DAW1: variants seen among roughly 807,000 people sequenced by gnomAD.
DAW1 encodes dynein assembly factor with WD repeat domains 1.
In DAW1, 47 loss-of-function variants were observed where a neutral mutation model predicts 56.5. That is an observed-to-expected ratio of 0.83 (90% CI 0.66 to 1.06). DAW1 has a LOEUF of 1.06. Ranked by LOEUF, DAW1 falls within the 50% of genes least tolerant of loss-of-function variation. The pLI, the probability that DAW1 is intolerant of heterozygous loss-of-function variation, is 0.00. For missense variants in DAW1, 505 were observed against 499.3 expected (o/e 1.01, Z -0.11); for synonymous variants, 190 against 179.0 (o/e 1.06, Z -0.49).
At position 227,889,936 on chromosome 2, in the gene DAW1, T is replaced by A. The variant is rs1212944077; in HGVS notation, c.194T>A (p.Leu65His). 6.2e-7 allele frequency: 1 copy of A among 1,607,472 alleles called. No individual in the cohort carries two copies. ...GCTTCACGAACAGAGCAAGTCAAAC[T>A]TTTGATACAGAGGTTGCAAGAGAAA... ...LTASRTEQVKLLIQRLQEKLG... is the reference protein window; with the variant it reads ...LTASRTEQVKHLIQRLQEKLG... Residue 65 changes from leucine (L) to histidine (H), a missense_variant, in exon 3 of 13, where the codon CTT becomes CAT. Leu to His is a moderately conservative substitution (Grantham distance 99). Transcript: ENST00000309931.
Position 227,923,742 on chromosome 2 carries a change from C to T in DAW1, c.1214-192C>T, listed in dbSNP as rs114089960. Among the ~76,000 whole-genome samples the T allele has an allele frequency of 9.2e-3, 1,365 of 148,722 alleles. 20 individuals are homozygous for T. The highest frequency in any genetic ancestry group is 0.032 in the African/African-American group (1,276 of 40,374). On this transcript the variant is annotated intron_variant, in intron 12 of 12. Coordinates refer to ENST00000309931, the MANE Select transcript of DAW1 (RefSeq NM_178821.3). ...TGCTTAATTTACAACTAGCTGGTAT[C>T]GTGAAAAAAAAAAAAATCACTACTT... is the stretch of plus-strand genomic sequence containing the variant.
intron 10 of DAW1, among the ~76,000 whole-genome samples, chr2:227,917,443 G>C (rs1319831046): frequency 6.6e-6 from 1 of 151,926 alleles, no homozygotes; most frequent in Non-Finnish European, 1.5e-5. Context: ...TGTATTTTTA[G>C]TAGAGACGGG....
chr2:227,893,447 C>T (rs113558931), intron 4 of DAW1, among the ~76,000 whole-genome samples: 9,159 of 152,122 alleles, frequency 0.06, 944 homozygotes, highest in African/African-American at 0.21. Context: ...AGGCGGGTCA[C>T]TTAAGGTCAG....
At position 227,921,450 on chromosome 2, in the gene DAW1, A is replaced by G. The variant is rs1451017913; in HGVS notation, c.1102A>G (p.Thr368Ala). The G allele has an allele frequency of 3.1e-6, 5 of 1,613,502 alleles. No homozygotes were observed. The highest frequency in any genetic ancestry group is 4.2e-6 in the Non-Finnish European group (5 of 1,179,928). ...TCTTCTAACTGGCAGCTCTGACAAAACGGCTAGAATCTGGGATGCTCAGAC... is the reference window on the plus strand; with the variant it reads ...TCTTCTAACTGGCAGCTCTGACAAAGCGGCTAGAATCTGGGATGCTCAGAC... ...NHLLTGSSDK[T>A]ARIWDAQTGQ... The change falls in exon 12 of 13, where the codon ACG becomes GCG. Residue 368 changes from threonine to alanine, a missense_variant. Transcript: ENST00000309931.
chr2:227,920,595 G>A (rs1692081681), intron 11 of DAW1, among the ~76,000 whole-genome samples: 1 of 152,102 alleles, frequency 6.6e-6, no homozygotes, highest in Admixed American at 6.5e-5. Flanking sequence ...CTTTCTTGTA[G>A]GTTCTACATT....
intron 10 of DAW1, among the ~76,000 whole-genome samples, chr2:227,909,614 G>GAA (rs1691771354): frequency 6.6e-6 from 1 of 152,054 alleles, no homozygotes; most frequent in African/African-American, 2.4e-5. Context: ...AAAAACTTGG[G>GAA]GGGACCAATG....
chr2:227,913,888 T>G (rs534171732), intron 10 of DAW1, among the ~76,000 whole-genome samples: 173 of 112,654 alleles, frequency 1.5e-3, no homozygotes, highest in Non-Finnish European at 2.4e-3. Flanking sequence ...TCTATCTGTC[T>G]GTCTGTCTGT....
At chr2:227,918,110 TTCCATCCATTTC>T (rs955923477) in intron 10 of DAW1, among the ~76,000 whole-genome samples, 8 of 131,352 alleles carry the variant, frequency 6.1e-5, no homozygotes, top group Non-Finnish European at 1.2e-4. Context: ...ATAGTACTTA[TTCCATCCATTTC>T]TCCATCCATC....
chr2:227,911,669 T>C (rs10188509), intron 10 of DAW1, among the ~76,000 whole-genome samples: 73,414 of 151,914 alleles, frequency 0.48, 18,230 homozygotes, highest in Middle Eastern at 0.63. Context: ...CTGATGATCA[T>C]TTTATTTGTA....
At chr2:227,923,272 C>G (rs1692151173) in intron 12 of DAW1, among the ~76,000 whole-genome samples, 1 of 152,192 alleles carries the variant, frequency 6.6e-6, no homozygotes, top group Non-Finnish European at 1.5e-5. Flanking sequence ...TGATAAACTG[C>G]AGGCATTTTG....
At chr2:227,899,482 A>G (rs1450003684) in intron 6 of DAW1, among the ~76,000 whole-genome samples, 1 of 152,246 alleles carries the variant, frequency 6.6e-6, no homozygotes, top group Non-Finnish European at 1.5e-5. Context: ...AAAGCAGGAA[A>G]CAAAATATAA....
chr2:227,921,708 A>G, intron 12 of DAW1, 147 bp downstream of exon 12: 1 of 829,260 alleles, frequency 1.2e-6, no homozygotes, highest in Non-Finnish European at 1.8e-6. Context: ...TATTTTCATT[A>G]TTTAATTTTA....
chr2:227,912,554 G>T, intron 10 of DAW1: 1 of 1,233,842 alleles, frequency 8.1e-7, no homozygotes, highest in Middle Eastern at 2.3e-4. Flanking sequence ...TATCACTGGA[G>T]GTCTGGACAT....
chr2:227,923,907 A>G (rs759349677), intron 12 of DAW1, 27 bp from the exon 13 acceptor site: 1 of 1,612,834 alleles, frequency 6.2e-7, no homozygotes, highest in Admixed American at 1.7e-5. Context: ...GAAGAAAAAA[A>G]TAACTGCATG....
intron 10 of DAW1, among the ~76,000 whole-genome samples, chr2:227,911,974 G>A (rs1008344008): frequency 2.0e-5 from 3 of 152,036 alleles, no homozygotes; most frequent in African/African-American, 7.2e-5. Flanking sequence ...TATACTATCT[G>A]ATTCATCTTT....
rs540760488 is a variant in DAW1, at chr2:227,872,979, G to A, written c.40+1250G>A. 2.7e-3 allele frequency among the ~76,000 whole-genome samples: 404 copies of A among 152,252 alleles called. 2 individuals carry two copies. Among genetic ancestry groups the A allele is most frequent in the African/African-American group, 9.2e-3 (384 of 41,556 alleles). On this transcript the variant is annotated intron_variant, in intron 1 of 12. Coordinates refer to ENST00000309931, the MANE Select transcript of DAW1 (RefSeq NM_178821.3). ...AAGATCTCCAATAGCTTCCTATCAT[G>A]CTTAGAATACGATCCGCAACCTGTG...
intron 10 of DAW1, among the ~76,000 whole-genome samples, chr2:227,914,648 C>T (rs1355348475): frequency 1.3e-5 from 2 of 152,026 alleles, no homozygotes; most frequent in African/African-American, 4.8e-5. Context: ...TCTGCCTCAT[C>T]TCACTGATGA....
At chr2:227,891,432 T>A in intron 4 of DAW1, 119 bp downstream of exon 4, 1 of 807,134 alleles carries the variant, frequency 1.2e-6, no homozygotes, top group Non-Finnish European at 2.0e-6. Context: ...CAGTACTCCC[T>A]TGGATACTGA....
chr2:227,883,231 A>G (rs1408183960), intron 1 of DAW1, among the ~76,000 whole-genome samples: 1 of 152,370 alleles, frequency 6.6e-6, no homozygotes, highest in African/African-American at 2.4e-5. Flanking sequence ...AGCAAAAAGT[A>G]TAAGTTCAGA....
Sources: allele counts gnomAD v4.1 joint callset (sites outside exome capture counted in the v4.1 genomes callset), GRCh38; gene constraint gnomAD v4.1.1; transcripts MANE v1.5; gene names NCBI Gene and HGNC (gene_info 2026-07-23, HGNC 2026-07-21).